The following TTC17 variants were observed in gnomAD, a reference collection of about 807,000 sequenced individuals.
TTC17 encodes the protein tetratricopeptide repeat domain 17, also known as tetratricopeptide repeat protein 17.
In TTC17, 58 loss-of-function variants were observed where a neutral mutation model predicts 143.8. The ratio of observed to expected loss-of-function variants is 0.40; its 90% CI spans 0.33 to 0.50. TTC17 has a LOEUF of 0.50. Among genes scored for constraint, TTC17 ranks in the 20% least tolerant of loss-of-function variants. TTC17 has a pLI of 0.49. For missense variants in TTC17, 1,273 were observed against 1,392.5 expected (o/e 0.91, Z 1.37); for synonymous variants, 501 against 497.8 (o/e 1.01, Z -0.09).
rs543094987 is a variant in TTC17 at position 43,450,324 on chromosome 11, C to T, written c.2946+83C>T. 70 of 1,412,756 alleles carry T rather than the reference C, an allele frequency of 5.0e-5. No homozygotes were observed. The Middle Eastern group carries it at 7.1e-4, about 14-fold the overall frequency. The allele number at this position is 1,412,756 out of a possible 1,614,324, so 87.5% of individuals were successfully genotyped here. A position where few individuals can be genotyped will look rare whatever the true frequency, so the allele number is the denominator to read the frequency against. On this transcript the variant is annotated intron_variant, in intron 20 of 23. Coordinates refer to ENST00000039989, the MANE Select transcript of TTC17 (RefSeq NM_018259.6). ...ATACTACATAGAAAGCCCAGGTGAC[C>T]GGGCCTTTTAAAAAAAAATAGGGGC...
intron 21 of TTC17, among the ~76,000 whole-genome samples, chr11:43,471,089 AATCCACCTG>A (rs1221999152): frequency 6.6e-6 from 1 of 152,162 alleles, no homozygotes; most frequent in Non-Finnish European, 1.5e-5. Context: ...TTTAGGATTA[AATCCACCTG>A]ATCCACCTGC....
chr11:43,414,819 G>C (rs751736541), intron 16 of TTC17, 43 bp downstream of exon 16: 2 of 1,582,266 alleles, frequency 1.3e-6, no homozygotes, highest in Non-Finnish European at 1.7e-6. Context: ...AGCTCAGCCA[G>C]AGTTCCTCTT....
At chr11:43,452,432 C>T (rs1234260728) in intron 21 of TTC17, among the ~76,000 whole-genome samples, 2 of 152,072 alleles carry the variant, frequency 1.3e-5, no homozygotes, top group South Asian at 2.1e-4. Flanking sequence ...ACCCAGGAGG[C>T]GGAGGTTGCA....
chr11:43,404,922 G>A (rs1254923284), intron 11 of TTC17, among the ~76,000 whole-genome samples: 1 of 152,036 alleles, frequency 6.6e-6, no homozygotes, highest in African/African-American at 2.4e-5. Flanking sequence ...AGTGTTCAAT[G>A]CCAGGTTTTA....
chr11:43,364,010 C>A (rs575484083), intron 1 of TTC17, among the ~76,000 whole-genome samples: 135 of 151,220 alleles, frequency 8.9e-4, no homozygotes, highest in Non-Finnish European at 1.6e-3. Context: ...ATCGTTTTGT[C>A]CCCCGGTCAG....
intron 1 of TTC17, among the ~76,000 whole-genome samples, chr11:43,361,086 TATAA>T (rs1856085262): frequency 6.6e-6 from 1 of 152,194 alleles, no homozygotes. Flanking sequence ...AGGCACCACA[TATAA>T]ATAAAGTAAA....
chr11:43,449,993 G>C (rs922118032), intron 19 of TTC17, 89 bp from the exon 20 acceptor site: 8 of 1,405,648 alleles, frequency 5.7e-6, no homozygotes, highest in Non-Finnish European at 7.8e-6. Context: ...TGTTAATGCT[G>C]TCTCTCCTTG....
At chr11:43,412,819 C>G (rs1311047521) in intron 15 of TTC17, among the ~76,000 whole-genome samples, 1 of 152,146 alleles carries the variant, frequency 6.6e-6, no homozygotes, top group Non-Finnish European at 1.5e-5. Flanking sequence ...AGATATACAT[C>G]ATGTTCACAC....
At chr11:43,488,040 T>C (rs766897242) in intron 21 of TTC17, among the ~76,000 whole-genome samples, 14 of 152,212 alleles carry the variant, frequency 9.2e-5, no homozygotes, top group Admixed American at 2.6e-4. Flanking sequence ...GACTTAAAAA[T>C]ATGAATTTTG....
chr11:43,389,668 A>C lies in TTC17; in HGVS notation c.266A>C (p.Gln89Pro), dbSNP rs747587227. Reference sequence around the variant, plus strand: ...TCTCAACAGAAACAATTAGTTGCTCAAAAAATTCACATAGAAGAGAATGAG... The same window carrying C: ...TCTCAACAGAAACAATTAGTTGCTCCAAAAATTCACATAGAAGAGAATGAG... The part of the protein sequence containing the change: ...LKELEKQLVA[Q>P]KIHIEENEDR... Residue 89 changes from glutamine to proline, a missense_variant, in exon 3 of 24, where the codon CAA (glutamine) becomes CCA (proline). Around this residue, in one of 3 missense-constraint regions of TTC17, gnomAD observed 325 missense variants for 444.2 expected, o/e 0.73. Transcript: ENST00000039989. The C allele has an allele frequency of 1.9e-6, 3 of 1,607,234 alleles. No homozygotes were observed. Among genetic ancestry groups the C allele is most frequent in the Non-Finnish European group, 8.5e-7 (1 of 1,178,112 alleles).
chr11:43,415,873 C>G (rs901822983), intron 16 of TTC17, among the ~76,000 whole-genome samples: 2 of 152,118 alleles, frequency 1.3e-5, no homozygotes, highest in African/African-American at 2.4e-5. Context: ...AATTAAAGTT[C>G]TTTTATGAAT....
Position 43,421,607 on chromosome 11 carries a change from C to G in TTC17, c.2251+6831C>G, listed in dbSNP as rs1946906342. Among the ~76,000 whole-genome samples, 5 of 152,246 alleles carry G rather than the reference C, an allele frequency of 3.3e-5. No homozygotes were observed. The South Asian group carries it at 1.0e-3, about 32-fold the overall frequency. On this transcript the variant is annotated intron_variant, in intron 16 of 23. Transcript: ENST00000039989. ...CATAGGAGCATGAACCTATTGTAAA[C>G]TATGCATGCACGGGATCTAGGTTAC...
chr11:43,370,392 A>G (rs1464128806), intron 1 of TTC17: 1 of 187,574 alleles, frequency 5.3e-6, no homozygotes, highest in Non-Finnish European at 1.1e-5. Flanking sequence ...AAAGGTAAGG[A>G]GCAAGAAAAT....
intron 2 of TTC17, among the ~76,000 whole-genome samples, chr11:43,382,550 C>T (rs1172835482): frequency 2.6e-5 from 4 of 152,146 alleles, no homozygotes; most frequent in African/African-American, 9.7e-5. Context: ...ATATTAAAAA[C>T]TTAAGGATGT....
intron 16 of TTC17, among the ~76,000 whole-genome samples, chr11:43,431,977 T>C (rs1407102872): frequency 6.6e-6 from 1 of 152,270 alleles, no homozygotes; most frequent in Non-Finnish European, 1.5e-5. Context: ...GGCATTTCTT[T>C]ATTATAACTA....
intron 5 of TTC17, among the ~76,000 whole-genome samples, chr11:43,394,210 G>A (rs573911887): frequency 2.0e-5 from 3 of 152,188 alleles, no homozygotes; most frequent in African/African-American, 4.8e-5. Flanking sequence ...TGAGCAAGAG[G>A]AAGGATGATA....
Position 43,494,839 on chromosome 11 carries a change from T to C in TTC17, c.*935T>C, listed in dbSNP as rs1212926700. 6.6e-6 allele frequency: 1 copy of C among 152,202 alleles called. No homozygotes were observed. 9.4% of individuals were successfully genotyped at this position (152,202 alleles called of 1,614,324 possible). On this transcript the variant is annotated 3_prime_UTR_variant, in exon 24 of 24. Coordinates refer to ENST00000039989, the MANE Select transcript of TTC17 (RefSeq NM_018259.6). Reference sequence around the variant, plus strand: ...GTTGAGTGTTTCCATACAATGCTTTTACCTTTGATCCCAGGAGAATCAGAA... The same window carrying C: ...GTTGAGTGTTTCCATACAATGCTTTCACCTTTGATCCCAGGAGAATCAGAA...
chr11:43,379,357 C>G (rs1565134158), intron 2 of TTC17, 35 bp downstream of exon 2: 8 of 1,542,438 alleles, frequency 5.2e-6, no homozygotes, highest in South Asian at 1.2e-5. Flanking sequence ...GCAGCTGATG[C>G]TTGTTGCATT....
At chr11:43,461,715 A>C (rs537567956) in intron 21 of TTC17, among the ~76,000 whole-genome samples, 12 of 152,322 alleles carry the variant, frequency 7.9e-5, no homozygotes, top group Admixed American at 3.3e-4. Context: ...GAGGAGTTTC[A>C]ATTTTATGTA....
Sources: gnomAD v4.1 joint callset for allele counts (sites outside exome capture counted in the v4.1 genomes callset) on GRCh38, gnomAD v4.1.1 for gene constraint, gnomAD v4.1.1 regional missense constraint, MANE v1.5 for transcripts, NCBI Gene and HGNC (gene_info 2026-07-23, HGNC 2026-07-21) for gene names.